Variants in SSBP2 observed in about 807,000 individuals in gnomAD.
SSBP2 encodes single stranded DNA binding protein 2, also known as single-stranded DNA-binding protein 2.
SSBP2 carries 17 observed loss-of-function variants against 61.8 expected under a neutral mutation model. The observed-to-expected ratio is 0.28, with a 90% confidence interval of 0.19 to 0.41. The LOEUF (loss-of-function observed/expected upper bound fraction) is 0.41. SSBP2 is among the 10% of genes least tolerant of loss of function. SSBP2 has a pLI of 1.00. For synonymous variants in SSBP2, 139 were observed against 141.3 expected (o/e 0.98, Z 0.12); for missense variants, 310 against 458.7 (o/e 0.68, Z 2.96).
intron 1 of SSBP2, among the ~76,000 whole-genome samples, chr5:81,683,665 T>C (rs889789100): frequency 1.3e-5 from 2 of 152,112 alleles, no homozygotes; most frequent in Non-Finnish European, 2.9e-5. Flanking sequence ...TGAAAGGCAC[T>C]GTCAAGAGAA....
chr5:81,689,138 A>C (rs1335044847), intron 1 of SSBP2, among the ~76,000 whole-genome samples: 1 of 151,936 alleles, frequency 6.6e-6, no homozygotes, highest in East Asian at 1.9e-4. Context: ...CAGAAGAACA[A>C]ATTAGTGAGC....
In SSBP2 at chr5:81,414,578, A is replaced by T. The variant is rs1202290465; in HGVS notation, c.*5926T>A. Reference sequence around the variant, plus strand: ...AATGCCAATTCAGTTTCTTGTAAACAAATGTCTGTATCAAACCACTATAAT... The same window carrying T: ...AATGCCAATTCAGTTTCTTGTAAACTAATGTCTGTATCAAACCACTATAAT... On this transcript the variant is annotated 3_prime_UTR_variant, in exon 17 of 17. Transcript: ENST00000320672. 1 of 152,216 alleles carries T rather than the reference A, an allele frequency of 6.6e-6. No homozygotes were observed. The highest frequency in any genetic ancestry group is 1.5e-5 in the Non-Finnish European group (1 of 68,028). The allele number at this position is 152,216 out of a possible 1,614,324, so 9.4% of individuals were successfully genotyped here. A position where few individuals can be genotyped will look rare whatever the true frequency, so the allele number is the denominator to read the frequency against.
At chr5:81,737,294 TAAA>T (rs5869085) in intron 1 of SSBP2, among the ~76,000 whole-genome samples, 16,587 of 138,976 alleles carry the variant, frequency 0.12, 1,676 homozygotes, top group East Asian at 0.38. Context: ...TTCTCCAAGT[TAAA>T]AAAAAAAAAA....
At chr5:81,750,155 G>T (rs1001519480) in intron 1 of SSBP2, among the ~76,000 whole-genome samples, 54 of 151,946 alleles carry the variant, frequency 3.6e-4, no homozygotes, top group African/African-American at 1.1e-3. Flanking sequence ...AGCGGATCCC[G>T]CTCCTCGCCA....
chr5:81,620,371 A>C (rs1052277514), intron 3 of SSBP2, among the ~76,000 whole-genome samples: 3 of 148,130 alleles, frequency 2.0e-5, no homozygotes, highest in African/African-American at 7.5e-5. Flanking sequence ...CAAAGAGAAT[A>C]AAATACCTAG....
chr5:81,472,663 G>A (rs1451125947), intron 8 of SSBP2, among the ~76,000 whole-genome samples: 2 of 152,000 alleles, frequency 1.3e-5, no homozygotes, highest in African/African-American at 2.4e-5. Context: ...GCAATGGCGC[G>A]ATCTTGTCTC....
At chr5:81,730,082 T>G (rs1184766555) in intron 1 of SSBP2, among the ~76,000 whole-genome samples, 1 of 152,146 alleles carries the variant, frequency 6.6e-6, no homozygotes, top group Admixed American at 6.5e-5. Flanking sequence ...AAAGATCAGA[T>G]TTTACCAGTG....
chr5:81,592,060 G>C lies in SSBP2; in HGVS notation c.282+23413C>G, dbSNP rs952210685. ...GCATCGCCTCACCTGGGAAGCGCAA[G>C]GGGTCAGGGAATTCCCTTTCCTAGT... On this transcript the variant is annotated intron_variant, in intron 4 of 16. Transcript: ENST00000320672. 3.3e-5 allele frequency among the ~76,000 whole-genome samples: 5 copies of C among 152,362 alleles called. No homozygotes were observed. The East Asian group carries it at 9.6e-4, about 29-fold the overall frequency.
At chr5:81,624,048 A>G (rs887047179) in intron 3 of SSBP2, among the ~76,000 whole-genome samples, 2 of 152,184 alleles carry the variant, frequency 1.3e-5, no homozygotes, top group Non-Finnish European at 2.9e-5. Flanking sequence ...ACAAGTGTGT[A>G]TTATTTTCCA....
intron 3 of SSBP2, chr5:81,616,125 C>CG (rs1412624026): frequency 5.2e-5 from 8 of 153,800 alleles, no homozygotes; most frequent in African/African-American, 1.9e-4. Context: ...GGAACAGCTC[C>CG]GGTCTACACC....
In SSBP2 at chr5:81,557,731, C is replaced by T. The variant is rs768913498; in HGVS notation, c.283-44014G>A. The stretch of plus-strand genomic sequence containing the variant: ...ATTTCTACCTAACATGTTTCATTAT[C>T]CTCTAAGTTTTTGAATATATGGAAC... On this transcript the variant is annotated intron_variant, in intron 4 of 16. Transcript: ENST00000320672. Among the ~76,000 whole-genome samples, 10 of 152,222 alleles carry T rather than the reference C, an allele frequency of 6.6e-5. No homozygotes were observed. In the East Asian group the frequency reaches 1.2e-3, roughly 18 times the overall value.
rs111614100 is a variant in SSBP2, at chr5:81,518,507, C to G, written c.283-4790G>C. Reference sequence around the variant, plus strand: ...TGAGGATGCTGCAAGAAAGCCCTCACCAGACCCAGATGCTGGTGCCTTAAT... The same window carrying G: ...TGAGGATGCTGCAAGAAAGCCCTCAGCAGACCCAGATGCTGGTGCCTTAAT... On this transcript the variant is annotated intron_variant, in intron 4 of 16. Coordinates refer to ENST00000320672, the MANE Select transcript of SSBP2 (RefSeq NM_012446.5). 4.7e-3 allele frequency among the ~76,000 whole-genome samples: 713 copies of G among 152,196 alleles called. 7 individuals carry two copies. Among genetic ancestry groups the G allele is most frequent in the African/African-American group, 0.015 (636 of 41,540 alleles).
At chr5:81,446,724 A>G (rs531582901) in intron 12 of SSBP2, 144 bp downstream of exon 12, 4 of 717,538 alleles carry the variant, frequency 5.6e-6, no homozygotes, top group Non-Finnish European at 8.6e-6. Flanking sequence ...TAAGAACACT[A>G]TATTTCTTCC....
At chr5:81,712,137 A>C (rs758177274) in intron 1 of SSBP2, among the ~76,000 whole-genome samples, 15 of 149,882 alleles carry the variant, frequency 1.0e-4, no homozygotes, top group Admixed American at 3.4e-4. Context: ...AAGTCATACG[A>C]GATCTAACCT....
chr5:81,724,731 T>C (rs890104049), intron 1 of SSBP2, among the ~76,000 whole-genome samples: 2 of 152,092 alleles, frequency 1.3e-5, no homozygotes, highest in Non-Finnish European at 2.9e-5. Flanking sequence ...TAGAAGAGCA[T>C]TTCTTCAGAC....
At chr5:81,580,527 C>T (rs1774559726) in intron 4 of SSBP2, among the ~76,000 whole-genome samples, 1 of 151,976 alleles carries the variant, frequency 6.6e-6, no homozygotes, top group Non-Finnish European at 1.5e-5. Context: ...AGTCACCCAA[C>T]CCCGATGTTT....
chr5:81,430,368 A>G (rs1349563813), intron 15 of SSBP2, among the ~76,000 whole-genome samples: 1 of 152,208 alleles, frequency 6.6e-6, no homozygotes, highest in Non-Finnish European at 1.5e-5. Context: ...TGGAAGCTGC[A>G]TATTTCACAC....
intron 1 of SSBP2, among the ~76,000 whole-genome samples, chr5:81,696,966 C>T (rs777576106): frequency 6.6e-6 from 1 of 152,160 alleles, no homozygotes; most frequent in Non-Finnish European, 1.5e-5. Flanking sequence ...AGTCCAACAT[C>T]TCCAAGAATC....
chr5:81,601,030 C>T (rs1744311358), intron 4 of SSBP2, among the ~76,000 whole-genome samples: 1 of 152,158 alleles, frequency 6.6e-6, no homozygotes, highest in Admixed American at 6.5e-5. Context: ...ACATGAAGTA[C>T]TTATATCAGT....
Sources: allele counts gnomAD v4.1 joint callset (sites outside exome capture counted in the v4.1 genomes callset), GRCh38; gene constraint gnomAD v4.1.1; transcripts MANE v1.5; gene names NCBI Gene and HGNC (gene_info 2026-07-23, HGNC 2026-07-21).